The following NFX1 variants were observed in gnomAD, a reference collection of about 807,000 sequenced individuals.
The protein encoded by NFX1 is nuclear transcription factor, X-box binding 1.
A neutral mutation model predicts 137.2 loss-of-function variants in NFX1; 69 were observed. The observed-to-expected ratio is 0.50, with a 90% CI of 0.41 to 0.61. The LOEUF is 0.61. Among genes scored for constraint, NFX1 ranks in the 20% least tolerant of loss-of-function variants. The probability of loss-of-function intolerance (pLI) is 0.00; values close to 1 mark genes in which losing one functional copy is unlikely to be tolerated. For synonymous variants in NFX1, 495 were observed against 474.1 expected (o/e 1.04, Z -0.57); for missense variants, 1,167 against 1,391.0 (o/e 0.84, Z 2.56).
chr9:33,353,173 CTCTT>C (rs111959382), intron 17 of NFX1, among the ~76,000 whole-genome samples: 5 of 152,242 alleles, frequency 3.3e-5, no homozygotes, highest in African/African-American at 1.2e-4. Context: ...TTCCTCCTTC[CTCTT>C]TCTTTTTTTC....
chr9:33,353,925 G>A (rs1823728932), intron 17 of NFX1, among the ~76,000 whole-genome samples, 161 bp from the exon 18 acceptor site: 1 of 152,064 alleles, frequency 6.6e-6, no homozygotes, highest in Admixed American at 6.6e-5. Context: ...CCTGACCTCA[G>A]GTGATCCACC....
intron 12 of NFX1, among the ~76,000 whole-genome samples, chr9:33,341,756 C>G (rs1322757759): frequency 6.6e-6 from 1 of 152,084 alleles, no homozygotes; most frequent in African/African-American, 2.4e-5. Flanking sequence ...ATGGTAAAAC[C>G]CCATCTCTGC....
At chr9:33,294,189 A>T (rs559260456) in intron 1 of NFX1, among the ~76,000 whole-genome samples, 1 of 152,312 alleles carries the variant, frequency 6.6e-6, no homozygotes, top group African/African-American at 2.4e-5. Flanking sequence ...ACTCGACAAC[A>T]CTTAGCTGTC....
At chr9:33,313,936 C>T (rs112109866) in intron 7 of NFX1, 143 bp downstream of exon 7, 24 of 765,240 alleles carry the variant, frequency 3.1e-5, no homozygotes, top group African/African-American at 1.0e-4. Context: ...GATGCTTAGA[C>T]GGTTTTTATT....
chr9:33,366,445 G>A (rs1010946083), intron 21 of NFX1, among the ~76,000 whole-genome samples, 184 bp from the exon 22 acceptor site: 2 of 152,122 alleles, frequency 1.3e-5, no homozygotes, highest in Admixed American at 6.6e-5. Context: ...GGTGAAAGAA[G>A]TGCATCAGTG....
At chr9:33,349,638 C>T (rs941987287) in intron 15 of NFX1, among the ~76,000 whole-genome samples, 1 of 151,700 alleles carries the variant, frequency 6.6e-6, no homozygotes, top group Non-Finnish European at 1.5e-5. Flanking sequence ...CAGCTTTTTC[C>T]TATGGTGAGG....
intron 9 of NFX1, among the ~76,000 whole-genome samples, chr9:33,320,287 T>C (rs1822337818): frequency 6.6e-6 from 1 of 152,224 alleles, no homozygotes; most frequent in African/African-American, 2.4e-5. Flanking sequence ...TTCTAAAATT[T>C]ACATTTCATG....
intron 22 of NFX1, 35 bp from the exon 23 acceptor site, chr9:33,367,480 C>A: frequency 1.2e-6 from 2 of 1,604,594 alleles, no homozygotes; most frequent in South Asian, 2.2e-5. Flanking sequence ...AAACAATTCT[C>A]ACTTTTCAAT....
chr9:33,312,753 C>A (rs1424715374), intron 6 of NFX1, among the ~76,000 whole-genome samples: 1 of 152,104 alleles, frequency 6.6e-6, no homozygotes, highest in Admixed American at 6.5e-5. Context: ...TGCCTGTAGC[C>A]CCAGCTACTG....
chr9:33,305,558 A>C (rs761826812), intron 4 of NFX1, among the ~76,000 whole-genome samples: 1 of 152,148 alleles, frequency 6.6e-6, no homozygotes, highest in Non-Finnish European at 1.5e-5. Context: ...TTCTTTATGG[A>C]GATTAGTTTG....
chr9:33,291,049 G>A (rs1382773839), intron 1 of NFX1, among the ~76,000 whole-genome samples: 1 of 152,216 alleles, frequency 6.6e-6, no homozygotes, highest in Non-Finnish European at 1.5e-5. Flanking sequence ...AACCCCGTGT[G>A]ACTCAGTCTC....
At chr9:33,300,921 G>T (rs779165109) in intron 2 of NFX1, among the ~76,000 whole-genome samples, 6 of 152,218 alleles carry the variant, frequency 3.9e-5, no homozygotes, top group Non-Finnish European at 7.3e-5. Context: ...AGAGGATCCT[G>T]GAAAATAGAA....
chr9:33,322,434 C>T (rs1238753666), intron 9 of NFX1, among the ~76,000 whole-genome samples: 1 of 152,054 alleles, frequency 6.6e-6, no homozygotes, highest in Non-Finnish European at 1.5e-5. Context: ...GTCAGGTTTA[C>T]CATATCTCAC....
chr9:33,356,050 G>A (rs1401034741), intron 19 of NFX1, among the ~76,000 whole-genome samples: 1 of 152,204 alleles, frequency 6.6e-6, no homozygotes, highest in African/African-American at 2.4e-5. Context: ...TTCAGCATTA[G>A]TAGATTCTGC....
At chr9:33,318,641 C>T (rs1822264100) in intron 7 of NFX1, 90 bp from the exon 8 acceptor site, 22 of 1,237,416 alleles carry the variant, frequency 1.8e-5, no homozygotes, top group Admixed American at 3.6e-5. Context: ...GTGCCAGGCC[C>T]GCATTTTGTA....
Position 33,295,197 on chromosome 9 carries a change from G to A in NFX1, c.803G>A (p.Arg268Gln), listed in dbSNP as rs191554656. Residue 268 changes from arginine to glutamine, a missense_variant, in exon 2 of 24, where the codon CGA becomes CAA. Arg to Gln is a conservative substitution (Grantham distance 43). This residue lies in a region of NFX1 where 367 missense variants were observed against 386.7 expected (regional missense o/e 0.95). Transcript: ENST00000379540. Reference sequence around the variant, plus strand: ...AATCCACCAAAACAGGAGGGCCACCGACATACAAACGCAGGACACAGAAAC... The same window carrying A: ...AATCCACCAAAACAGGAGGGCCACCAACATACAAACGCAGGACACAGAAAC... ...GRNPPKQEGHRHTNAGHRNNM... is the reference protein window; with the variant it reads ...GRNPPKQEGHQHTNAGHRNNM... The A allele has an allele frequency of 2.0e-5, 33 of 1,614,130 alleles. No individual in the cohort carries two copies. In the Middle Eastern group the frequency reaches 6.6e-4, roughly 32 times the overall value.
At chr9:33,303,902 A>G (rs706127) in intron 4 of NFX1, among the ~76,000 whole-genome samples, 98,086 of 151,776 alleles carry the variant, frequency 0.65, 34,504 homozygotes, top group Non-Finnish European at 0.77. Flanking sequence ...TTGTTTCTTT[A>G]CTGTCTGTCT....
Position 33,369,928 on chromosome 9 carries a change from C to T in NFX1, c.3313C>T (p.Gln1105Ter). 6.2e-7 allele frequency: 1 copy of T among 1,613,496 alleles called. No individual in the cohort carries two copies. The highest frequency in any genetic ancestry group is 8.5e-7 in the Non-Finnish European group (1 of 1,179,520). Residue 1105 changes from glutamine (Q) to a stop codon, truncating the protein, a stop_gained, in exon 24 of 24, where the codon CAG becomes TAG. Transcript: ENST00000379540. LOFTEE classifies it high-confidence loss of function. ...SDKNPGSSNL[Q>*]KITKEPIIDY... ...CAGGAATCCTGGGAGCAGTAATTTACAGAAAATAACCAAGGAGCCAATAAT... is the reference window on the plus strand; with the variant it reads ...CAGGAATCCTGGGAGCAGTAATTTATAGAAAATAACCAAGGAGCCAATAAT...
intron 4 of NFX1, among the ~76,000 whole-genome samples, chr9:33,303,927 T>C (rs1348476747): frequency 1.3e-5 from 2 of 152,202 alleles, no homozygotes; most frequent in Non-Finnish European, 2.9e-5. Flanking sequence ...CCCTGAAGCA[T>C]TGCATTTTTG....
Sources: allele counts gnomAD v4.1 joint callset (sites outside exome capture counted in the v4.1 genomes callset), GRCh38; gene constraint gnomAD v4.1.1; regional missense constraint gnomAD v4.1.1; transcripts MANE v1.5; gene names NCBI Gene and HGNC (gene_info 2026-07-23, HGNC 2026-07-21).